FANK1: variants seen among roughly 807,000 people sequenced by gnomAD.
FANK1 encodes fibronectin type III and ankyrin repeat domains 1.
In FANK1, 44 loss-of-function variants were observed where a neutral mutation model predicts 45.3. The observed-to-expected ratio is 0.97, with a 90% confidence interval of 0.76 to 1.25. The LOEUF is 1.25. Ranked by LOEUF, FANK1 falls within the 50% of genes most tolerant of loss-of-function variation. The probability of loss-of-function intolerance (pLI) is 0.00; values close to 1 mark genes in which losing one functional copy is unlikely to be tolerated. For synonymous variants in FANK1, 149 were observed against 152.5 expected (o/e 0.98, Z 0.17); for missense variants, 391 against 424.4 (o/e 0.92, Z 0.69).
At chr10:125,981,600 A>T (rs1194338840) in intron 2 of FANK1, among the ~76,000 whole-genome samples, 1 of 152,102 alleles carries the variant, frequency 6.6e-6, no homozygotes, top group Non-Finnish European at 1.5e-5. Context: ...ATGCAAAATG[A>T]CTATTTTGTG....
chr10:125,974,684 T>A (rs1027387687), intron 1 of FANK1, among the ~76,000 whole-genome samples: 10 of 152,238 alleles, frequency 6.6e-5, no homozygotes, highest in South Asian at 2.1e-4. Flanking sequence ...AAGCACCTAG[T>A]ATAGAACAAA....
chr10:125,952,478 G>T (rs932670363), intron 1 of FANK1, among the ~76,000 whole-genome samples: 1 of 152,100 alleles, frequency 6.6e-6, no homozygotes, highest in East Asian at 1.9e-4. Flanking sequence ...TTAAAAAAAA[G>T]TTCAGAGAAG....
chr10:125,931,282 G>A (rs1042946339), intron 1 of FANK1, among the ~76,000 whole-genome samples: 1 of 152,140 alleles, frequency 6.6e-6, no homozygotes, highest in Admixed American at 6.5e-5. Flanking sequence ...GTTCTTTAAG[G>A]AATCTCCACA....
chr10:125,968,926 T>C (rs1356104352), intron 1 of FANK1, among the ~76,000 whole-genome samples: 1 of 152,196 alleles, frequency 6.6e-6, no homozygotes, highest in East Asian at 1.9e-4. Flanking sequence ...TGAAGCCCTT[T>C]ATTATTCTAT....
At chr10:125,919,292 G>C in intron 1 of FANK1, among the ~76,000 whole-genome samples, 1 of 130,538 alleles carries the variant, frequency 7.7e-6, no homozygotes, top group South Asian at 2.6e-4. Flanking sequence ...TGCAACCTCC[G>C]CTTCCCGGTT....
At chr10:125,921,913 C>G (rs977746045) in intron 1 of FANK1, among the ~76,000 whole-genome samples, 4 of 152,126 alleles carry the variant, frequency 2.6e-5, no homozygotes, top group African/African-American at 9.7e-5. Context: ...TGCAAAGAAC[C>G]AACTTTGGAT....
At chr10:125,962,629 T>A (rs555570709) in intron 1 of FANK1, among the ~76,000 whole-genome samples, 1 of 152,298 alleles carries the variant, frequency 6.6e-6, no homozygotes, top group African/African-American at 2.4e-5. Context: ...TTTGTATTTT[T>A]TATTTTTAAC....
rs146667594 is a variant in FANK1, at chr10:125,955,481, T to C, written c.14-24680T>C. Among the ~76,000 whole-genome samples, 295 of 152,292 alleles carry C rather than the reference T, an allele frequency of 1.9e-3. 3 individuals are homozygous for C. The highest frequency in any genetic ancestry group is 6.3e-3 in the African/African-American group (260 of 41,550). ...GTTGTAACATCAAAGTTGATGCATCTTATTATTGTGATCTTTTCAGACAGG... is the reference window on the plus strand; with the variant it reads ...GTTGTAACATCAAAGTTGATGCATCCTATTATTGTGATCTTTTCAGACAGG... On this transcript the variant is annotated intron_variant, in intron 1 of 10. Coordinates refer to ENST00000368693, the MANE Select transcript of FANK1 (RefSeq NM_145235.5).
chr10:125,995,439 C>T lies in FANK1; in HGVS notation c.339C>T (p.His113=). 4 of 1,614,200 alleles carry T rather than the reference C, an allele frequency of 2.5e-6. No homozygotes were observed. Among genetic ancestry groups the T allele is most frequent in the African/African-American group, 1.3e-5 (1 of 75,056 alleles). ...CAGGAGAGCCCATAAGTAGTGAGCA[C>T]TTGCACCGGGCTGTCAGTGTGAATG... The part of the protein sequence containing the change: ...STTREPISSE[H]LHRAVSVNDE... Residue 113 remains histidine, a synonymous_variant, in exon 4 of 11, where the codon CAC becomes CAT. Coordinates refer to ENST00000368693, the MANE Select transcript of FANK1 (RefSeq NM_145235.5).
intron 1 of FANK1, among the ~76,000 whole-genome samples, chr10:125,952,684 A>G (rs1055733895): frequency 6.6e-6 from 1 of 151,662 alleles, no homozygotes; most frequent in Admixed American, 6.6e-5. Context: ...CCTGGTTTGT[A>G]TACCTCTGCT....
In FANK1 at chr10:125,908,630, A is replaced by G. The variant is rs527904721; in HGVS notation, c.13+11975A>G. Among the ~76,000 whole-genome samples, 249 of 152,266 alleles carry G rather than the reference A, an allele frequency of 1.6e-3. 8 individuals are homozygous for G. In the Middle Eastern group the frequency reaches 0.017, roughly 10 times the overall value. ...GTGGGAGGGGGATGAGGGAGAAAAG[A>G]CTATACATTGGGTACAGTGTACCCT... On this transcript the variant is annotated intron_variant, in intron 1 of 10. Transcript: ENST00000368693.
intron 1 of FANK1, among the ~76,000 whole-genome samples, chr10:125,971,746 T>C (rs933580842): frequency 7.2e-5 from 11 of 152,192 alleles, no homozygotes; most frequent in South Asian, 2.1e-4. Flanking sequence ...CTCAGCCTCC[T>C]GAGTAGCTGG....
chr10:125,969,814 T>A (rs10901490), intron 1 of FANK1, among the ~76,000 whole-genome samples: 2 of 151,846 alleles, frequency 1.3e-5, no homozygotes, highest in South Asian at 2.1e-4. Context: ...TGAGATTAGG[T>A]ATTGGTGATG....
At chr10:125,994,021 G>A (rs1952125726) in intron 3 of FANK1, among the ~76,000 whole-genome samples, 1 of 152,178 alleles carries the variant, frequency 6.6e-6, no homozygotes, top group African/African-American at 2.4e-5. Flanking sequence ...GAGAAAAAGT[G>A]TCTCCTATGC....
chr10:125,929,230 C>T (rs964415196), intron 1 of FANK1, among the ~76,000 whole-genome samples: 1 of 152,078 alleles, frequency 6.6e-6, no homozygotes, highest in Non-Finnish European at 1.5e-5. Context: ...TATGGGAGAG[C>T]GAGGGGAGGA....
At chr10:125,978,180 C>A (rs1950968913) in intron 1 of FANK1, among the ~76,000 whole-genome samples, 1 of 152,188 alleles carries the variant, frequency 6.6e-6, no homozygotes, top group Non-Finnish European at 1.5e-5. Flanking sequence ...GCAAATATGG[C>A]AGCCTGTCCC....
In FANK1 at chr10:126,008,494, A is replaced by G. The variant is rs756976582; in HGVS notation, c.793A>G (p.Ile265Val). 2.5e-6 allele frequency: 4 copies of G among 1,613,600 alleles called. No homozygotes were observed. Among genetic ancestry groups the G allele is most frequent in the Non-Finnish European group, 3.4e-6 (4 of 1,179,854 alleles). ...AAATCAGAGGGTGGCCTCTCTTCTA[A>G]TTGATGCTGGGGCCAATGTGAATGT... is the stretch of plus-strand genomic sequence containing the variant. ...SGNQRVASLLIDAGANVNVKD... is the reference protein window; with the variant it reads ...SGNQRVASLLVDAGANVNVKD... The change falls in exon 8 of 11, where the codon ATT becomes GTT. Residue 265 changes from isoleucine to valine, a missense_variant. Ile to Val is a conservative substitution (Grantham distance 29). Coordinates refer to ENST00000368693, the MANE Select transcript of FANK1 (RefSeq NM_145235.5).
At chr10:125,923,763 A>T (rs920799508) in intron 1 of FANK1, among the ~76,000 whole-genome samples, 1 of 152,030 alleles carries the variant, frequency 6.6e-6, no homozygotes, top group Non-Finnish European at 1.5e-5. Context: ...CCTGAACTTA[A>T]GCATTCCTCC....
intron 1 of FANK1, among the ~76,000 whole-genome samples, chr10:125,908,272 A>G (rs1416902545): frequency 6.6e-6 from 1 of 152,188 alleles, no homozygotes; most frequent in Non-Finnish European, 1.5e-5. Flanking sequence ...CTGGGATTAC[A>G]GGTGTGAGCC....
Sources: gnomAD v4.1 joint callset for allele counts (sites outside exome capture counted in the v4.1 genomes callset) on GRCh38, gnomAD v4.1.1 for gene constraint, MANE v1.5 for transcripts, NCBI Gene and HGNC (gene_info 2026-07-23, HGNC 2026-07-21) for gene names.